AMPH: variants seen among roughly 807,000 people sequenced by gnomAD.
AMPH encodes amphiphysin.
Under a neutral mutation model 99.1 loss-of-function variants are expected in AMPH, and 49 were observed. The ratio of observed to expected loss-of-function variants is 0.49; its 90% confidence interval spans 0.39 to 0.63. The LOEUF (loss-of-function observed/expected upper bound fraction) is 0.63. Ranked by LOEUF, AMPH falls within the 20% of genes least tolerant of loss-of-function variation. AMPH has a pLI of 0.00. For synonymous variants in AMPH, 314 were observed against 317.3 expected (o/e 0.99, Z 0.11); for missense variants, 759 against 863.4 (o/e 0.88, Z 1.52).
At chr7:38,550,783 G>A (rs1477665428) in intron 1 of AMPH, among the ~76,000 whole-genome samples, 1 of 152,114 alleles carries the variant, frequency 6.6e-6, no homozygotes, top group Non-Finnish European at 1.5e-5. Context: ...ATGGTTGGCT[G>A]GGTTTCGGTT....
intron 13 of AMPH, among the ~76,000 whole-genome samples, chr7:38,430,785 T>C (rs1785985450): frequency 1.3e-5 from 2 of 152,226 alleles, no homozygotes; most frequent in Admixed American, 1.3e-4. Context: ...GTGGTTTCAA[T>C]AGACATTTTT....
chr7:38,623,005 G>A (rs920212460), intron 1 of AMPH, among the ~76,000 whole-genome samples: 1 of 152,098 alleles, frequency 6.6e-6, no homozygotes, highest in African/African-American at 2.4e-5. Context: ...ACTCACATTA[G>A]GGACCCTTTC....
At chr7:38,589,465 T>C (rs1792775934) in intron 1 of AMPH, among the ~76,000 whole-genome samples, 1 of 152,224 alleles carries the variant, frequency 6.6e-6, no homozygotes, top group Non-Finnish European at 1.5e-5. Flanking sequence ...CACTAGTTGG[T>C]AATTTTTTTA....
At chr7:38,393,654 T>C (rs907944749) in intron 18 of AMPH, among the ~76,000 whole-genome samples, 13 of 149,546 alleles carry the variant, frequency 8.7e-5, no homozygotes, top group African/African-American at 3.0e-4. Flanking sequence ...GAGTTCTCCC[T>C]GGGCTGAGTG....
chr7:38,610,342 A>G (rs74359542), intron 1 of AMPH, among the ~76,000 whole-genome samples: 13 of 50,620 alleles, frequency 2.6e-4, no homozygotes, highest in African/African-American at 1.1e-3. Context: ...AAAAAAGAAA[A>G]GAAAAGAAAA....
intron 7 of AMPH, among the ~76,000 whole-genome samples, chr7:38,473,561 G>A (rs1389296363): frequency 4.7e-5 from 5 of 105,606 alleles, no homozygotes; most frequent in East Asian, 3.6e-4. Context: ...AAAATTAGCC[G>A]GGCGCGGTGG....
rs779118225 is a variant in AMPH at position 38,463,012 on chromosome 7, G to A, written c.851C>T (p.Ala284Val). 11 of 1,602,914 alleles carry A rather than the reference G, an allele frequency of 6.9e-6. No individual in the cohort carries two copies. Among genetic ancestry groups the A allele is most frequent in the Admixed American group, 3.4e-5 (2 of 59,250 alleles). The change falls in exon 10 of 21, where the codon GCG becomes GTG. Residue 284 changes from alanine to valine, a missense_variant. Ala to Val is a moderately conservative substitution (Grantham distance 64). This residue lies in a region of AMPH where 554 missense variants were observed against 575.6 expected (regional missense o/e 0.96). Transcript: ENST00000356264. Reference sequence around the variant, plus strand: ...CCGAGGCCGTGCTGGTGCGGGAGACGCAGGTGCTAATGTATGATTTGGACT... The same window carrying A: ...CCGAGGCCGTGCTGGTGCGGGAGACACAGGTGCTAATGTATGATTTGGACT... ...TASPNHTLAP[A>V]SPAPARPRSP... is the part of the protein sequence containing the mutation.
intron 1 of AMPH, among the ~76,000 whole-genome samples, chr7:38,628,263 T>G: frequency 6.6e-6 from 1 of 152,340 alleles, no homozygotes; most frequent in Non-Finnish European, 1.5e-5. Context: ...CTAAACATTG[T>G]TTTAAATTTT....
intron 1 of AMPH, among the ~76,000 whole-genome samples, chr7:38,587,736 G>A (rs931447002): frequency 6.6e-6 from 1 of 152,096 alleles, no homozygotes; most frequent in Non-Finnish European, 1.5e-5. Flanking sequence ...CCATGTGTAT[G>A]CCAATGTCTT....
chr7:38,612,084 C>CTTTTTTTTTTTTTTTT (rs777855014), intron 1 of AMPH, among the ~76,000 whole-genome samples: 1 of 90,860 alleles, frequency 1.1e-5, no homozygotes, highest in Non-Finnish European at 2.1e-5. Context: ...TTTTTGTCTT[C>CTTTTTTTTTTTTTTTT]TTCTTTTTTT....
At position 38,548,888 on chromosome 7, in the gene AMPH, G is replaced by A. The variant is rs548760327; in HGVS notation, c.70-13877C>T. Among the ~76,000 whole-genome samples the A allele has an allele frequency of 2.8e-5, 4 of 141,042 alleles. No individual in the cohort carries two copies. In the South Asian group the frequency reaches 6.7e-4, roughly 24 times the overall value. The allele number at this position is 141,042 out of a possible 152,430, so 92.5% of individuals were successfully genotyped here. A position where few individuals can be genotyped will look rare whatever the true frequency, so the allele number is the denominator to read the frequency against. Reference sequence around the variant, plus strand: ...TTTATTACGCAGTTGAGTTGTCTACGTGGCCAGTGCCATGTTGTCTGCTTT... The same window carrying A: ...TTTATTACGCAGTTGAGTTGTCTACATGGCCAGTGCCATGTTGTCTGCTTT... On this transcript the variant is annotated intron_variant, in intron 1 of 20. Coordinates refer to ENST00000356264, the MANE Select transcript of AMPH (RefSeq NM_001635.4).
intron 11 of AMPH, among the ~76,000 whole-genome samples, chr7:38,441,815 A>ATC (rs1165540347): frequency 0.25 from 20,488 of 81,982 alleles, 2,947 homozygotes; most frequent in African/African-American, 0.3. Context: ...TATATCATAT[A>ATC]TATCATATAT....
intron 1 of AMPH, among the ~76,000 whole-genome samples, chr7:38,569,921 G>A (rs187162919): frequency 6.4e-4 from 97 of 152,206 alleles, no homozygotes; most frequent in Non-Finnish European, 1.1e-3. Context: ...ACATTTGTCA[G>A]GTCATAAGTT....
chr7:38,603,914 C>G (rs1230877192), intron 1 of AMPH, among the ~76,000 whole-genome samples: 2 of 152,244 alleles, frequency 1.3e-5, no homozygotes, highest in Non-Finnish European at 2.9e-5. Context: ...TTTGACAAAT[C>G]TGACAAACAT....
intron 1 of AMPH, among the ~76,000 whole-genome samples, chr7:38,581,720 G>A (rs1792472804): frequency 6.6e-6 from 1 of 152,144 alleles, no homozygotes; most frequent in Non-Finnish European, 1.5e-5. Flanking sequence ...TGGTAGTAGT[G>A]GAGGTGTAAA....
intron 2 of AMPH, chr7:38,530,944 T>G (rs534730887): frequency 6.6e-6 from 1 of 152,234 alleles, no homozygotes; most frequent in African/African-American, 2.4e-5. Flanking sequence ...AAGTTTTTTG[T>G]AGAAGAGTTC....
chr7:38,423,503 CCT>C (rs1406809306), intron 15 of AMPH, among the ~76,000 whole-genome samples: 1 of 152,142 alleles, frequency 6.6e-6, no homozygotes, highest in Non-Finnish European at 1.5e-5. Flanking sequence ...CATGCAGTTG[CCT>C]CTGTTACCTC....
chr7:38,404,571 G>C (rs533549405), intron 17 of AMPH, among the ~76,000 whole-genome samples: 1 of 151,930 alleles, frequency 6.6e-6, no homozygotes, highest in South Asian at 2.1e-4. Context: ...TAGAAACAAA[G>C]CCAAACAATC....
intron 1 of AMPH, among the ~76,000 whole-genome samples, chr7:38,604,035 C>G (rs561349422): frequency 9.9e-5 from 15 of 152,280 alleles, no homozygotes; most frequent in Non-Finnish European, 1.6e-4. Flanking sequence ...AGAATTATAT[C>G]CTATACTGAT....
Sources: allele counts gnomAD v4.1 joint callset (sites outside exome capture counted in the v4.1 genomes callset), GRCh38; gene constraint gnomAD v4.1.1; regional missense constraint gnomAD v4.1.1; transcripts MANE v1.5; gene names NCBI Gene and HGNC (gene_info 2026-07-23, HGNC 2026-07-21).